The following MBTPS2 variants were observed in gnomAD, a reference collection of about 807,000 sequenced individuals.
The protein encoded by MBTPS2 is membrane-bound transcription factor site-2 protease.
MBTPS2 carries 2 observed loss-of-function variants against 35.4 expected under a neutral mutation model. The ratio of observed to expected loss-of-function variants is 0.06; its 90% CI spans 0.02 to 0.18. The LOEUF (loss-of-function observed/expected upper bound fraction) is 0.18. MBTPS2 is among the 10% of genes least tolerant of loss of function. MBTPS2 has a pLI of 1.00. For missense variants in MBTPS2, 244 were observed against 386.5 expected, an observed-to-expected ratio of 0.63 and a Z score of 3.09; for synonymous variants, 125 against 140.4, an observed-to-expected ratio of 0.89 and a Z score of 0.77.
intron 3 of MBTPS2, among the ~76,000 whole-genome samples, chrX:21,851,060 T>C (rs2092914201): frequency 8.9e-6 from 1 of 111,852 alleles, no homozygotes; most frequent in Non-Finnish European, 1.9e-5. Flanking sequence ...ACACAAGTAC[T>C]TGGAACCTTG....
chrX:21,870,468 C>T (rs866645494), intron 7 of MBTPS2: 6 of 111,476 alleles, frequency 5.4e-5, no homozygotes, highest in Middle Eastern at 4.6e-3. Context: ...CATAAACATT[C>T]TGTATTAATA....
intron 5 of MBTPS2, among the ~76,000 whole-genome samples, chrX:21,854,409 C>T (rs763031550): frequency 8.9e-6 from 1 of 111,959 alleles, no homozygotes; most frequent in South Asian, 3.7e-4. Context: ...AAGAAAGATG[C>T]CCTTAGTTTG....
In MBTPS2 at chrX:21,884,396, A is replaced by G; in HGVS notation, c.*1741A>G. The G allele has an allele frequency of 8.6e-6, 6 of 698,422 alleles. No individual in the cohort carries two copies. Among genetic ancestry groups the G allele is most frequent in the Non-Finnish European group, 8.5e-6 (5 of 588,062 alleles). 57.6% of individuals were successfully genotyped at this position (698,422 alleles called of 1,213,427 possible). On this transcript the variant is annotated 3_prime_UTR_variant, in exon 11 of 11. Transcript: ENST00000379484. ...TTAATTTGATTGCATGAACTAAGCA[A>G]TTTTACTAATGAAAAGGTTGTATAT...
intron 5 of MBTPS2, among the ~76,000 whole-genome samples, chrX:21,859,265 T>A (rs1232223283): frequency 9.3e-6 from 1 of 107,782 alleles, no homozygotes; most frequent in East Asian, 2.9e-4. Flanking sequence ...TGGAGGTTGA[T>A]AACTTTGGGA....
In MBTPS2 at chrX:21,868,446, CT is replaced by C. The variant is rs1436832337; in HGVS notation, c.671-14del. The C allele has an allele frequency of 9.4e-6, 10 of 1,060,366 alleles. No individual in the cohort carries two copies. Among genetic ancestry groups the C allele is most frequent in the East Asian group, 3.0e-5 (1 of 33,026 alleles). 87.4% of individuals were successfully genotyped at this position (1,060,366 alleles called of 1,213,427 possible). On this transcript the variant is annotated intron_variant, in intron 5 of 10. Coordinates refer to ENST00000379484, the MANE Select transcript of MBTPS2 (RefSeq NM_015884.4). ...TTCCTGCCCCCGGTTGAGCTTATTG[CT>C]TTTTTTCCTCTCTTTCCAGGTATCT... is the stretch of plus-strand genomic sequence containing the variant.
At chrX:21,857,438 C>T in intron 5 of MBTPS2, 1 of 1,211,985 alleles carries the variant, frequency 8.3e-7, no homozygotes, top group Non-Finnish European at 1.1e-6. Context: ...TCGAAGGCTG[C>T]GGGAAACGCT....
At position 21,844,658 on chromosome X, in the gene MBTPS2, C is replaced by A. The variant is rs746684558; in HGVS notation, c.225-513C>A. 7.1e-5 allele frequency among the ~76,000 whole-genome samples: 8 copies of A among 112,386 alleles called. No individual in the cohort carries two copies. The South Asian group carries it at 1.5e-3, about 21-fold the overall frequency. On this transcript the variant is annotated intron_variant, in intron 2 of 10. Transcript: ENST00000379484. The stretch of plus-strand genomic sequence containing the variant: ...CAAGTTCCTTGAAAAGCACAACTTA[C>A]CAAAGTTAGAAAACATGGCAGATTA...
At chrX:21,856,734 C>G (rs1220699750) in intron 5 of MBTPS2, 1 of 1,210,165 alleles carries the variant, frequency 8.3e-7, no homozygotes, top group African/African-American at 1.7e-5. Context: ...GTTGCAGACA[C>G]AAGAGGAAGT....
At chrX:21,868,719 C>A (rs1330777536) in intron 6 of MBTPS2, 134 bp downstream of exon 6, 6 of 522,386 alleles carry the variant, frequency 1.1e-5, no homozygotes, top group Non-Finnish European at 2.0e-5. Context: ...TTACTGTAGT[C>A]CTCTCAAATC....
intron 5 of MBTPS2, chrX:21,857,895 G>T (rs1294123298): frequency 4.3e-5 from 10 of 234,972 alleles, no homozygotes; most frequent in South Asian, 2.1e-4. Flanking sequence ...ATCAAGAGAC[G>T]GTTCTTACAA....
At chrX:21,857,838 T>G in intron 5 of MBTPS2, 1 of 327,870 alleles carries the variant, frequency 3.0e-6, no homozygotes, top group Non-Finnish European at 5.3e-6. Flanking sequence ...TCTGTAACTA[T>G]TTTTGTAAAG....
intron 5 of MBTPS2, among the ~76,000 whole-genome samples, chrX:21,866,980 G>T (rs1445380712): frequency 9.8e-6 from 1 of 102,020 alleles, no homozygotes; most frequent in Non-Finnish European, 2.0e-5. Context: ...AGTTAGCTGA[G>T]ATCTCGCCAC....
chrX:21,862,639 G>C (rs2092932767), intron 5 of MBTPS2, among the ~76,000 whole-genome samples: 1 of 104,596 alleles, frequency 9.6e-6, no homozygotes, highest in Non-Finnish European at 2.0e-5. Flanking sequence ...GAAACCACCC[G>C]TCTCTACTAA....
In MBTPS2 at chrX:21,853,368, T is replaced by C; in HGVS notation, c.543-8T>C. ...TAGTAAACTCCTTTTTCTTATGTGATTTCTTAGGGAACAAGTTCGATTTAA... is the reference window on the plus strand; with the variant it reads ...TAGTAAACTCCTTTTTCTTATGTGACTTCTTAGGGAACAAGTTCGATTTAA... On this transcript the variant is annotated splice_polypyrimidine_tract_variant and splice_region_variant and intron_variant, in intron 4 of 10. Transcript: ENST00000379484. 1 of 1,183,378 alleles carries C rather than the reference T, an allele frequency of 8.5e-7. No homozygotes were observed. The highest frequency in any genetic ancestry group is 3.0e-5 in the East Asian group (1 of 33,613).
chrX:21,843,375 C>G, intron 2 of MBTPS2, 57 bp downstream of exon 2: 1 of 1,088,380 alleles, frequency 9.2e-7, no homozygotes, highest in Non-Finnish European at 1.3e-6. Context: ...TCACGACAGA[C>G]AGCTTGTTAA....
chrX:21,842,306 C>A (rs1417833537), intron 1 of MBTPS2, among the ~76,000 whole-genome samples: 1 of 111,963 alleles, frequency 8.9e-6, no homozygotes, highest in Non-Finnish European at 1.9e-5. Flanking sequence ...ATTATTGAGC[C>A]CAAGATGGCT....
chrX:21,840,426 C>T (rs1389788730), intron 1 of MBTPS2, among the ~76,000 whole-genome samples: 3 of 111,687 alleles, frequency 2.7e-5, no homozygotes, highest in Non-Finnish European at 5.6e-5. Context: ...ATTTACATAA[C>T]CAGTTTCTAA....
At chrX:21,857,504 C>G in intron 5 of MBTPS2, 1 of 1,212,150 alleles carries the variant, frequency 8.2e-7, no homozygotes, top group African/African-American at 1.7e-5. Context: ...GCGATAAGCC[C>G]TTCGTGTGCC....
chrX:21,846,774 G>T (rs905864798), intron 3 of MBTPS2, among the ~76,000 whole-genome samples: 4 of 111,931 alleles, frequency 3.6e-5, no homozygotes, highest in African/African-American at 1.3e-4. Context: ...AGGTGGGACT[G>T]GAGGCAAGAG....
Sources: gnomAD v4.1 joint callset for allele counts (sites outside exome capture counted in the v4.1 genomes callset) on GRCh38, gnomAD v4.1.1 for gene constraint, MANE v1.5 for transcripts, NCBI Gene and HGNC (gene_info 2026-07-23, HGNC 2026-07-21) for gene names.